DCC: variants seen among roughly 807,000 people sequenced by gnomAD.
DCC encodes netrin receptor DCC.
In DCC, 58 loss-of-function variants were observed where a neutral mutation model predicts 172.5. That is an observed-to-expected ratio of 0.34 (90% CI 0.27 to 0.42). The LOEUF (loss-of-function observed/expected upper bound fraction) is 0.42, where lower values mean the gene tolerates loss of function less well. Among genes scored for constraint, DCC ranks in the 10% least tolerant of loss-of-function variants. The pLI is 1.00. For missense variants in DCC, 1,740 were observed against 1,791.0 expected (o/e 0.97, Z 0.51); for synonymous variants, 709 against 644.5 (o/e 1.10, Z -1.52).
At chr18:52,845,222 C>T (rs1226148102) in intron 2 of DCC, among the ~76,000 whole-genome samples, 1 of 152,270 alleles carries the variant, frequency 6.6e-6, no homozygotes, top group Non-Finnish European at 1.5e-5. Flanking sequence ...CAGGAAAAGG[C>T]AATACATCTT....
At chr18:53,409,725 T>C (rs1184627645) in intron 19 of DCC, among the ~76,000 whole-genome samples, 1 of 151,996 alleles carries the variant, frequency 6.6e-6, no homozygotes, top group Admixed American at 6.6e-5. Flanking sequence ...ACACAGAAAA[T>C]CAATAATACT....
chr18:53,078,515 G>C (rs1230536494), intron 7 of DCC, among the ~76,000 whole-genome samples: 1 of 151,942 alleles, frequency 6.6e-6, no homozygotes, highest in Non-Finnish European at 1.5e-5. Flanking sequence ...GAATGACAAA[G>C]CTTCTATTGT....
chr18:53,188,115 C>T (rs1253618764), intron 9 of DCC, among the ~76,000 whole-genome samples: 4 of 152,080 alleles, frequency 2.6e-5, no homozygotes, highest in Admixed American at 6.6e-5. Flanking sequence ...ACACATTTCC[C>T]GGTGCCCTGA....
intron 2 of DCC, among the ~76,000 whole-genome samples, chr18:52,862,294 C>A (rs1051773968): frequency 6.6e-6 from 1 of 151,946 alleles, no homozygotes; most frequent in Non-Finnish European, 1.5e-5. Context: ...CGTCAAATAT[C>A]AAAGGTTTAA....
At chr18:53,037,121 G>A (rs1454688541) in intron 5 of DCC, among the ~76,000 whole-genome samples, 2 of 151,912 alleles carry the variant, frequency 1.3e-5, no homozygotes, top group African/African-American at 2.4e-5. Flanking sequence ...CCTCAAAGAG[G>A]CATTGTCAAC....
intron 15 of DCC, among the ~76,000 whole-genome samples, chr18:53,361,571 G>A (rs1044379631): frequency 6.6e-6 from 1 of 152,114 alleles, no homozygotes; most frequent in African/African-American, 2.4e-5. Flanking sequence ...TAGTCAAAGG[G>A]AATATTACCT....
At chr18:53,051,895 G>A (rs1017009578) in intron 5 of DCC, among the ~76,000 whole-genome samples, 1 of 152,020 alleles carries the variant, frequency 6.6e-6, no homozygotes, top group African/African-American at 2.4e-5. Context: ...TCCCAGAAAA[G>A]TATCCTATTC....
intron 5 of DCC, among the ~76,000 whole-genome samples, chr18:53,007,468 G>T (rs1039153146): frequency 3.3e-5 from 5 of 152,064 alleles, no homozygotes; most frequent in African/African-American, 1.2e-4. Flanking sequence ...AATAAGAGCT[G>T]AGGTAGCAAC....
At chr18:52,768,936 C>A (rs2037297234) in intron 2 of DCC, among the ~76,000 whole-genome samples, 1 of 152,110 alleles carries the variant, frequency 6.6e-6, no homozygotes, top group African/African-American at 2.4e-5. Context: ...TGATATCAGA[C>A]CTTAAAATGT....
At chr18:52,681,518 T>A (rs36113690) in intron 1 of DCC, among the ~76,000 whole-genome samples, 70,051 of 151,930 alleles carry the variant, frequency 0.46, 16,311 homozygotes, top group Non-Finnish European at 0.51. Flanking sequence ...ATATTGTTTT[T>A]ATTGATTAAT....
intron 28 of DCC, among the ~76,000 whole-genome samples, chr18:53,529,036 T>TCACA (rs1293138635): frequency 2.9e-3 from 137 of 46,788 alleles, no homozygotes; most frequent in East Asian, 0.019. Context: ...TCTCTCTCTC[T>TCACA]CTCACACACA....
At position 53,533,244 on chromosome 18, in the gene DCC, C is replaced by A. The variant is rs540491783; in HGVS notation, c.*2591C>A. 6.6e-6 allele frequency: 1 copy of A among 152,214 alleles called. No homozygotes were observed. Among genetic ancestry groups the A allele is most frequent in the South Asian group, 2.1e-4 (1 of 4,820 alleles). The allele number at this position is 152,214 out of a possible 1,614,324, so 9.4% of individuals were successfully genotyped here. A position where few individuals can be genotyped will look rare whatever the true frequency, so the allele number is the denominator to read the frequency against. On this transcript the variant is annotated 3_prime_UTR_variant, in exon 29 of 29. Transcript: ENST00000442544. ...TCCTGATCTCTTGACAAGAAGAAAC[C>A]TGTGAATACTGCAAACTAGCCTCTG...
intron 1 of DCC, among the ~76,000 whole-genome samples, chr18:52,505,254 T>C (rs1385674138): frequency 1.3e-5 from 2 of 152,222 alleles, no homozygotes; most frequent in Non-Finnish European, 2.9e-5. Flanking sequence ...TCTAATGCTC[T>C]GTGCTTTTCA....
intron 1 of DCC, among the ~76,000 whole-genome samples, chr18:52,584,675 A>G (rs1321034945): frequency 6.6e-6 from 1 of 152,018 alleles, no homozygotes; most frequent in Non-Finnish European, 1.5e-5. Context: ...AGCTGGGACT[A>G]CAGGCACACA....
chr18:52,448,082 G>T (rs1241639597), intron 1 of DCC, among the ~76,000 whole-genome samples: 2 of 152,152 alleles, frequency 1.3e-5, no homozygotes, highest in Non-Finnish European at 2.9e-5. Context: ...TTAGGAACCG[G>T]GCCGCACAGC....
At chr18:52,718,569 T>C (rs949976991) in intron 1 of DCC, among the ~76,000 whole-genome samples, 7 of 152,160 alleles carry the variant, frequency 4.6e-5, no homozygotes, top group African/African-American at 1.7e-4. Flanking sequence ...GGCACGTAGG[T>C]TGTTTTCCTT....
intron 2 of DCC, among the ~76,000 whole-genome samples, chr18:52,761,908 CAAAAAAAAAAAA>C (rs1222086354): frequency 2.1e-5 from 1 of 48,462 alleles, no homozygotes; most frequent in Non-Finnish European, 5.0e-5. Flanking sequence ...GACTCTGTCT[CAAAAAAAAAAAA>C]AAAAAGAAAA....
intron 7 of DCC, among the ~76,000 whole-genome samples, chr18:53,080,465 G>T (rs2042784035): frequency 6.6e-6 from 1 of 152,108 alleles, no homozygotes; most frequent in South Asian, 2.1e-4. Context: ...CTGATTAATT[G>T]ATAATGCCAG....
intron 1 of DCC, among the ~76,000 whole-genome samples, chr18:52,724,025 G>A (rs1677885597): frequency 6.6e-6 from 1 of 152,202 alleles, no homozygotes. Context: ...ATCCTGAGAA[G>A]AGGCAGAAAG....
Sources: allele counts gnomAD v4.1 joint callset (sites outside exome capture counted in the v4.1 genomes callset), GRCh38; gene constraint gnomAD v4.1.1; transcripts MANE v1.5; gene names NCBI Gene and HGNC (gene_info 2026-07-23, HGNC 2026-07-21).